Variants in ANKRD30B observed in about 807,000 individuals in gnomAD.
The protein encoded by ANKRD30B is ankyrin repeat domain 30B, also known as ankyrin repeat domain-containing protein 30B.
ANKRD30B carries 144 observed loss-of-function variants against 202.2 expected under a neutral mutation model. The observed-to-expected ratio is 0.71, with a 90% confidence interval of 0.62 to 0.82. The LOEUF (loss-of-function observed/expected upper bound fraction) is 0.82, where lower values mean the gene tolerates loss of function less well. Ranked by LOEUF, ANKRD30B falls within the 40% of genes least tolerant of loss-of-function variation. The probability of loss-of-function intolerance (pLI) is 0.00; values close to 1 mark genes in which losing one functional copy is unlikely to be tolerated. For missense variants in ANKRD30B, 1,487 were observed against 1,669.1 expected (o/e 0.89, Z 1.90); for synonymous variants, 508 against 561.3 (o/e 0.91, Z 1.34).
the ANKRD30B span, among the ~76,000 whole-genome samples, chr18:14,866,483 C>A: frequency 6.6e-6 from 1 of 152,088 alleles, no homozygotes; most frequent in African/African-American, 2.4e-5. Context: ...GGGTGGCTGG[C>A]AGCTGGAGCT....
the ANKRD30B span, among the ~76,000 whole-genome samples, chr18:14,878,510 C>A: frequency 1.0e-3 from 152 of 151,914 alleles, no homozygotes; most frequent in African/African-American, 3.5e-3. Flanking sequence ...GTGGGAAAAG[C>A]AAGAGGAGGG....
intron 16 of ANKRD30B, among the ~76,000 whole-genome samples, chr18:14,791,732 T>C (rs1289402006): frequency 6.6e-6 from 1 of 151,024 alleles, no homozygotes; most frequent in Non-Finnish European, 1.5e-5. Flanking sequence ...CTGAGGAAAA[T>C]GAGAAAATAA....
At chr18:14,794,739 G>A (rs1031665212) in intron 16 of ANKRD30B, among the ~76,000 whole-genome samples, 7 of 151,996 alleles carry the variant, frequency 4.6e-5, no homozygotes, top group East Asian at 1.9e-4. Context: ...GCCTTAAATC[G>A]CTTGGACATA....
the ANKRD30B span, among the ~76,000 whole-genome samples, chr18:14,863,424 G>A: frequency 3.3e-3 from 508 of 152,052 alleles, 4 homozygotes; most frequent in Non-Finnish European, 4.1e-3. Context: ...CTCTTGACAC[G>A]TGATACACTG....
At chr18:14,754,406 G>A (rs1235629401) in intron 3 of ANKRD30B, among the ~76,000 whole-genome samples, 1 of 152,114 alleles carries the variant, frequency 6.6e-6, no homozygotes, top group Non-Finnish European at 1.5e-5. Flanking sequence ...TGGACATTTA[G>A]TTCACAGTTT....
At chr18:14,882,162 G>C in the ANKRD30B span, among the ~76,000 whole-genome samples, 1 of 152,040 alleles carries the variant, frequency 6.6e-6, no homozygotes, top group Non-Finnish European at 1.5e-5. Context: ...GATTGGGTTT[G>C]GCTTGTTCCT....
At chr18:14,752,268 GA>G (rs1276242126) in intron 1 of ANKRD30B, among the ~76,000 whole-genome samples, 15 of 152,128 alleles carry the variant, frequency 9.9e-5, no homozygotes, top group African/African-American at 3.4e-4. Context: ...TTATTGATGA[GA>G]AAAGCGAGGT....
chr18:14,788,771 C>A (rs1469150681), intron 15 of ANKRD30B, among the ~76,000 whole-genome samples: 1 of 151,906 alleles, frequency 6.6e-6, no homozygotes, highest in African/African-American at 2.4e-5. Flanking sequence ...ATATGTGCCA[C>A]ATTTTCTTAA....
At chr18:14,863,540 AT>A in the ANKRD30B span, among the ~76,000 whole-genome samples, 1 of 152,084 alleles carries the variant, frequency 6.6e-6, no homozygotes, top group African/African-American at 2.4e-5. Context: ...TATAAACCAA[AT>A]AAATATTTTT....
intron 20 of ANKRD30B, among the ~76,000 whole-genome samples, 180 bp from the exon 21 acceptor site, chr18:14,798,921 G>T (rs1049726804): frequency 7.9e-5 from 12 of 152,152 alleles, no homozygotes; most frequent in African/African-American, 2.9e-4. Flanking sequence ...CAGTTTCAGG[G>T]GGTCTCCCTA....
intron 16 of ANKRD30B, 79 bp downstream of exon 16, chr18:14,791,570 A>G (rs71364855): frequency 8.8e-7 from 1 of 1,132,970 alleles, no homozygotes; most frequent in Non-Finnish European, 1.3e-6. Flanking sequence ...CCTCTAATAG[A>G]TGAAGAAAAT....
chr18:14,890,237 A>C, the ANKRD30B span, among the ~76,000 whole-genome samples: 1 of 152,094 alleles, frequency 6.6e-6, no homozygotes, highest in South Asian at 2.1e-4. Flanking sequence ...ACTCCGACCC[A>C]CAACACATAC....
the ANKRD30B span, among the ~76,000 whole-genome samples, chr18:14,893,444 C>G: frequency 2.0e-5 from 3 of 152,116 alleles, no homozygotes; most frequent in African/African-American, 7.2e-5. Context: ...AACCCCATCT[C>G]TACTAAAAAT....
At chr18:14,895,993 G>A in the ANKRD30B span, among the ~76,000 whole-genome samples, 2 of 152,116 alleles carry the variant, frequency 1.3e-5, no homozygotes. Context: ...ACAAAGCAAA[G>A]CGTGGACCTT....
At chr18:14,846,036 C>T (rs1330196976) in intron 39 of ANKRD30B, among the ~76,000 whole-genome samples, 3 of 150,342 alleles carry the variant, frequency 2.0e-5, no homozygotes, top group Non-Finnish European at 4.4e-5. Context: ...AATATTTATC[C>T]TTTCCTCTGC....
the ANKRD30B span, among the ~76,000 whole-genome samples, chr18:14,915,968 T>C: frequency 2.8e-4 from 42 of 152,362 alleles, no homozygotes; most frequent in African/African-American, 9.9e-4. Context: ...TTAAAGTTTT[T>C]GGAAGAACGT....
In ANKRD30B at chr18:14,755,011, G is replaced by A. The variant is rs1424287632; in HGVS notation, c.617+6G>A. 7 of 1,438,090 alleles carry A rather than the reference G, an allele frequency of 4.9e-6. No homozygotes were observed. Among genetic ancestry groups the A allele is most frequent in the Middle Eastern group, 1.8e-4 (1 of 5,490 alleles). 89.1% of individuals were successfully genotyped at this position (1,438,090 alleles called of 1,614,324 possible). On this transcript the variant is annotated splice_donor_region_variant and intron_variant, in intron 4 of 43. Coordinates refer to ENST00000690538, the MANE Select transcript of ANKRD30B (RefSeq NM_001367607.2). ...GCATTTAATGAGTCTAAATGGTATG[G>A]TAGTTCTTTTTTTTTACTAAAAAAC...
the ANKRD30B span, among the ~76,000 whole-genome samples, chr18:14,863,880 C>T: frequency 2.0e-5 from 3 of 150,014 alleles, no homozygotes; most frequent in African/African-American, 7.4e-5. Flanking sequence ...AAACCAAATC[C>T]ATCAGCATAT....
chr18:14,912,234 G>A, the ANKRD30B span, among the ~76,000 whole-genome samples: 3 of 152,204 alleles, frequency 2.0e-5, no homozygotes, highest in African/African-American at 7.2e-5. Flanking sequence ...TGCCTGTTAA[G>A]TAGGATGTTG....
Sources: allele counts gnomAD v4.1 joint callset (sites outside exome capture counted in the v4.1 genomes callset), GRCh38; gene constraint gnomAD v4.1.1; transcripts MANE v1.5; gene names NCBI Gene and HGNC (gene_info 2026-07-23, HGNC 2026-07-21).